Variants in LIMS2 observed in about 807,000 individuals in gnomAD.
The protein encoded by LIMS2 is LIM zinc finger domain containing 2.
A neutral mutation model predicts 45.3 loss-of-function variants in LIMS2; 30 were observed. The ratio of observed to expected loss-of-function variants is 0.66; its 90% CI spans 0.50 to 0.90. LIMS2 has a LOEUF of 0.90. Ranked by LOEUF, LIMS2 falls within the 40% of genes least tolerant of loss-of-function variation. The probability of loss-of-function intolerance (pLI) is 0.00; values close to 1 mark genes in which losing one functional copy is unlikely to be tolerated. For missense variants in LIMS2, 485 were observed against 468.7 expected, an observed-to-expected ratio of 1.03 and a Z score of -0.32; for synonymous variants, 173 against 188.0, an observed-to-expected ratio of 0.92 and a Z score of 0.65.
chr2:127,666,646 T>G (rs936488599), intron 1 of LIMS2, among the ~76,000 whole-genome samples: 6 of 139,796 alleles, frequency 4.3e-5, no homozygotes, highest in Non-Finnish European at 9.4e-5. Context: ...ATTTTCATAC[T>G]GCTATTAAGA....
intron 7 of LIMS2, 161 bp from the exon 8 acceptor site, chr2:127,640,479 C>A: frequency 1.4e-6 from 1 of 718,420 alleles, no homozygotes; most frequent in South Asian, 1.7e-5. Context: ...GCACGGCAAC[C>A]CATGAGAACC....
chr2:127,657,615 G>A, intron 1 of LIMS2, 53 bp from the exon 2 acceptor site: 1 of 1,519,226 alleles, frequency 6.6e-7, no homozygotes, highest in Non-Finnish European at 8.9e-7. Context: ...GGTGCAGATG[G>A]GGCACACGCG....
At chr2:127,655,114 G>A in intron 2 of LIMS2, 1 of 621,684 alleles carries the variant, frequency 1.6e-6, no homozygotes, top group East Asian at 2.8e-5. Context: ...GTGGAAGCTG[G>A]AGAGGTCCGT....
At chr2:127,643,196 C>A in intron 4 of LIMS2, 124 bp from the exon 5 acceptor site, 1 of 1,093,590 alleles carries the variant, frequency 9.1e-7, no homozygotes, top group East Asian at 2.6e-5. Flanking sequence ...AGGGGCTCAG[C>A]CCAGGGTATG....
At chr2:127,674,714 C>T (rs1685426801) in intron 1 of LIMS2, 1 of 985,328 alleles carries the variant, frequency 1.0e-6, no homozygotes, top group African/African-American at 1.7e-5. Flanking sequence ...TGACCTTGGA[C>T]AAGACCCCCT....
At chr2:127,651,942 C>T (rs1683844029) in intron 4 of LIMS2, 2 of 632,938 alleles carry the variant, frequency 3.2e-6, no homozygotes, top group South Asian at 4.0e-5. Context: ...GATCCATCGG[C>T]CACCCCTCTG....
chr2:127,652,196 A>T (rs1443538767), intron 4 of LIMS2: 2 of 218,942 alleles, frequency 9.1e-6, no homozygotes, highest in East Asian at 2.3e-4. Context: ...AGGGAGTCTC[A>T]ATACTCCTTT....
At position 127,639,410 on chromosome 2, in the gene LIMS2, G is replaced by C; in HGVS notation, c.897C>G (p.Phe299Leu). 6.2e-7 allele frequency: 1 copy of C among 1,613,732 alleles called. No homozygotes were observed. The highest frequency in any genetic ancestry group is 8.5e-7 in the Non-Finnish European group (1 of 1,179,852). ...KLTLKNKFVE[F>L]DMKPVCKRCY... ...ACCTCTTACACACGGGCTTCATGTCGAACTCCACAAACTTGTTCCTGAGGA... is the reference window on the plus strand; with the variant it reads ...ACCTCTTACACACGGGCTTCATGTCCAACTCCACAAACTTGTTCCTGAGGA... Residue 299 changes from phenylalanine (F) to leucine (L), a missense_variant, in exon 10 of 10, where the codon TTC becomes TTG. Coordinates refer to ENST00000355119, the MANE Select transcript of LIMS2 (RefSeq NM_001161403.3).
chr2:127,654,808 T>G, intron 3 of LIMS2, 22 bp downstream of exon 3: 1 of 1,613,066 alleles, frequency 6.2e-7, no homozygotes, highest in Non-Finnish European at 8.5e-7. Flanking sequence ...CAGCCCAGGA[T>G]GTGTACTGTC....
chr2:127,650,660 G>A (rs1683650974), intron 4 of LIMS2: 1 of 1,235,770 alleles, frequency 8.1e-7, no homozygotes, highest in South Asian at 1.4e-5. Context: ...ACTTCAGAGA[G>A]CGTGAAGCTG....
chr2:127,658,492 A>C (rs11890746), intron 1 of LIMS2, among the ~76,000 whole-genome samples: 126 of 152,332 alleles, frequency 8.3e-4, no homozygotes, highest in African/African-American at 2.9e-3. Context: ...CTGTCCCCAG[A>C]GTCAGTGGTG....
intron 9 of LIMS2, 139 bp downstream of exon 9, chr2:127,639,931 T>G: frequency 1.2e-6 from 1 of 834,590 alleles, no homozygotes; most frequent in Non-Finnish European, 2.0e-6. Flanking sequence ...TCTCCCTGGG[T>G]GGTATAAGGC....
At position 127,654,500 on chromosome 2, in the gene LIMS2, AGTT is replaced by A. The variant is rs770484808; in HGVS notation, c.280_282del (p.Asn94del). On this transcript the variant is annotated inframe_deletion, in exon 4 of 10. Transcript: ENST00000355119. ...TCGCAGCGGAAGCAGCCCGGGTGCC[AGTT>A]GTTGTTCATGGCCTTGATGACGCGG... 6.2e-6 allele frequency: 10 copies of A among 1,614,146 alleles called. No individual in the cohort carries two copies. Among genetic ancestry groups the A allele is most frequent in the Non-Finnish European group, 8.5e-6 (10 of 1,180,016 alleles).
At position 127,643,103 on chromosome 2, in the gene LIMS2, C is replaced by T. The variant is rs143105008; in HGVS notation, c.360-31G>A. The T allele has an allele frequency of 4.7e-4, 730 of 1,544,386 alleles. 5 individuals are homozygous for T. In the African/African-American group the frequency reaches 6.9e-3, roughly 15 times the overall value. On this transcript the variant is annotated intron_variant, in intron 4 of 9. Transcript: ENST00000355119. ...GGAGGCGGGGGCATTAGGGGCAGAG[C>T]CCCCACTCCCACACAGCCTGGCCAC... is the stretch of plus-strand genomic sequence containing the variant.
intron 6 of LIMS2, 60 bp downstream of exon 6, chr2:127,641,989 C>T: frequency 6.4e-7 from 1 of 1,570,332 alleles, no homozygotes. Flanking sequence ...GGGCTCTTAC[C>T]ATGACCCTGA....
chr2:127,650,047 G>A (rs1683565348), intron 4 of LIMS2: 1 of 1,608,446 alleles, frequency 6.2e-7, no homozygotes, highest in Non-Finnish European at 8.5e-7. Flanking sequence ...GATCCAGAAA[G>A]CCCCCAAGAG....
chr2:127,674,853 GC>G (rs1685434178), intron 1 of LIMS2, 160 bp downstream of exon 1: 3 of 985,208 alleles, frequency 3.0e-6, no homozygotes, highest in African/African-American at 1.7e-5. Flanking sequence ...GGGGACCCCT[GC>G]CCCGACGGGC....
chr2:127,640,453 C>T, intron 7 of LIMS2, 135 bp from the exon 8 acceptor site: 1 of 964,306 alleles, frequency 1.0e-6, no homozygotes, highest in South Asian at 1.5e-5. Context: ...GGCCCAGCTG[C>T]AAGGCTGGGT....
In LIMS2 at chr2:127,647,201, C is replaced by CATTT. The variant is rs1558875167; in HGVS notation, c.360-4133_360-4130dup. Among the ~76,000 whole-genome samples, 2 of 152,186 alleles carry CATTT rather than the reference C, an allele frequency of 1.3e-5. No homozygotes were observed. The highest frequency in any genetic ancestry group is 3.9e-4 in the East Asian group (2 of 5,186). ...TTTTGAGCAAGGGGCTGCACATTCTCATTTCATACATGGGCCCCTAAAATG... is the reference window on the plus strand; with the variant it reads ...TTTTGAGCAAGGGGCTGCACATTCTCATTTATTTCATACATGGGCCCCTAAAATG... On this transcript the variant is annotated intron_variant, in intron 4 of 9. Transcript: ENST00000355119. The surrounding 1 kb of genome is among the most constrained non-coding windows in gnomAD (Gnocchi z 4.3).
Sources: gnomAD v4.1 joint callset for allele counts (sites outside exome capture counted in the v4.1 genomes callset) on GRCh38, gnomAD v4.1.1 for gene constraint, Gnocchi (gnomAD v3.1) non-coding constraint, MANE v1.5 for transcripts, NCBI Gene and HGNC (gene_info 2026-07-23, HGNC 2026-07-21) for gene names.